The following HIP1 variants were observed in gnomAD, a reference collection of about 807,000 sequenced individuals.
HIP1 encodes the protein huntingtin interacting protein 1, also known as huntingtin-interacting protein 1.
HIP1 carries 65 observed loss-of-function variants against 147.6 expected under a neutral mutation model. The observed-to-expected ratio is 0.44, with a 90% CI of 0.36 to 0.54. The LOEUF (loss-of-function observed/expected upper bound fraction) is 0.54, where lower values mean the gene tolerates loss of function less well. Ranked by LOEUF, HIP1 falls within the 20% of genes least tolerant of loss-of-function variation. The pLI is 0.00. For synonymous variants in HIP1, 479 were observed against 504.0 expected, an observed-to-expected ratio of 0.95 and a Z score of 0.67; for missense variants, 1,061 against 1,299.6, an observed-to-expected ratio of 0.82 and a Z score of 2.82.
At chr7:75,694,412 T>G (rs1375836020) in intron 1 of HIP1, among the ~76,000 whole-genome samples, 1 of 152,108 alleles carries the variant, frequency 6.6e-6, no homozygotes, top group Non-Finnish European at 1.5e-5. Context: ...TCCTTACCTC[T>G]ATTGTCTGTT....
Position 75,545,087 on chromosome 7 carries a change from C to T in HIP1, c.2660+1G>A. 1.9e-6 allele frequency: 3 copies of T among 1,578,030 alleles called. No homozygotes were observed. Among genetic ancestry groups the T allele is most frequent in the Non-Finnish European group, 2.6e-6 (3 of 1,152,308 alleles). On this transcript the variant is annotated splice_donor_variant, in intron 26 of 30. Transcript: ENST00000336926. LOFTEE classifies it high-confidence loss of function. Reference sequence around the variant, plus strand: ...GACCCTTGGTACCAATAGATACTTACACCATGACAGTGGCTCCCCAGCCCA... The same window carrying T: ...GACCCTTGGTACCAATAGATACTTATACCATGACAGTGGCTCCCCAGCCCA...
intron 1 of HIP1, among the ~76,000 whole-genome samples, chr7:75,608,905 G>A (rs1554504325): frequency 1.3e-5 from 2 of 152,102 alleles, no homozygotes. Flanking sequence ...TGGGTACTGG[G>A]GATCCACAGA....
intron 18 of HIP1, 26 bp downstream of exon 18, chr7:75,556,000 C>T (rs376580867): frequency 6.2e-7 from 1 of 1,611,826 alleles, no homozygotes; most frequent in African/African-American, 1.3e-5. Flanking sequence ...CACAGGTGCT[C>T]GCTCGTGTCC....
At position 75,616,085 on chromosome 7, in the gene HIP1, C is replaced by CAAAAAAAAAAAAAAAAAA. The variant is rs71098042; in HGVS notation, c.121-16856_121-16839dup. ...TGGGCGACAGAGTAAGACTCTGTCT[C>CAAAAAAAAAAAAAAAAAA]AAAAAAAAAAAAAAAAAAAAAGAAA... On this transcript the variant is annotated intron_variant, in intron 1 of 30. Coordinates refer to ENST00000336926, the MANE Select transcript of HIP1 (RefSeq NM_005338.7). Among the ~76,000 whole-genome samples, 4 of 35,314 alleles carry CAAAAAAAAAAAAAAAAAA rather than the reference C, an allele frequency of 1.1e-4. 1 individual carries two copies. The highest frequency in any genetic ancestry group is 2.3e-4 in the African/African-American group (2 of 8,556). 23.2% of individuals were successfully genotyped at this position (35,314 alleles called of 152,430 possible).
intron 1 of HIP1, among the ~76,000 whole-genome samples, chr7:75,614,432 C>A (rs587703421): frequency 6.6e-6 from 1 of 152,190 alleles, no homozygotes; most frequent in South Asian, 2.1e-4. Context: ...AGATAAGCCT[C>A]CAAAACATGC....
chr7:75,635,663 A>C (rs1357758636), intron 1 of HIP1, among the ~76,000 whole-genome samples: 2 of 151,970 alleles, frequency 1.3e-5, no homozygotes, highest in Non-Finnish European at 2.9e-5. Flanking sequence ...ATTATTTCCA[A>C]CCTTCTCTAT....
intron 1 of HIP1, among the ~76,000 whole-genome samples, chr7:75,653,423 C>A (rs76058166): frequency 1.3e-5 from 2 of 151,612 alleles, no homozygotes; most frequent in South Asian, 4.2e-4. Context: ...GAGGCTGAGG[C>A]GGGAGGATTG....
chr7:75,582,019 T>A (rs1239037244), intron 6 of HIP1, 56 bp downstream of exon 6: 1 of 1,379,762 alleles, frequency 7.2e-7, no homozygotes, highest in Non-Finnish European at 1.0e-6. Context: ...TTATGAGAAG[T>A]GTCAGCATTC....
intron 1 of HIP1, among the ~76,000 whole-genome samples, chr7:75,663,941 TATATATACAC>T (rs1799399414): frequency 7.2e-6 from 1 of 138,608 alleles, no homozygotes; most frequent in East Asian, 2.3e-4. Context: ...TGTGTATATA[TATATATACAC>T]ATATATGTGT....
intron 1 of HIP1, among the ~76,000 whole-genome samples, chr7:75,603,257 T>C (rs1488699853): frequency 1.4e-5 from 2 of 147,670 alleles, no homozygotes; most frequent in Non-Finnish European, 3.0e-5. Context: ...TTGAGGCAGG[T>C]GGATTGCTTA....
Position 75,591,905 on chromosome 7 carries a change from G to A in HIP1, c.384+151C>T, listed in dbSNP as rs1292092981. 5 of 731,322 alleles carry A rather than the reference G, an allele frequency of 6.8e-6. No individual in the cohort carries two copies. The African/African-American group carries it at 6.9e-5, about 10-fold the overall frequency. The allele number at this position is 731,322 out of a possible 1,614,324, so 45.3% of individuals were successfully genotyped here. ...GACTATGGATATCATGGTACTCTTT[G>A]GGGGCATCCTTAGTCCGTCTCTGGC... On this transcript the variant is annotated intron_variant, in intron 4 of 30. Coordinates refer to ENST00000336926, the MANE Select transcript of HIP1 (RefSeq NM_005338.7).
At chr7:75,549,085 AAGGCAGG>A in intron 22 of HIP1, 84 bp from the exon 23 acceptor site, 1 of 1,013,996 alleles carries the variant, frequency 9.9e-7, no homozygotes, top group Non-Finnish European at 1.5e-6. Context: ...ACAAGATGGC[AAGGCAGG>A]AGGCCACCCA....
At chr7:75,701,291 G>A (rs564457424) in intron 1 of HIP1, among the ~76,000 whole-genome samples, 3 of 152,156 alleles carry the variant, frequency 2.0e-5, no homozygotes, top group Non-Finnish European at 2.9e-5. Context: ...CCACCTTAAC[G>A]GCTGAGGCAG....
At chr7:75,606,037 C>CG (rs1168492178) in intron 1 of HIP1, among the ~76,000 whole-genome samples, 2 of 151,938 alleles carry the variant, frequency 1.3e-5, no homozygotes, top group Admixed American at 6.6e-5. Context: ...TAAATAGAGA[C>CG]GGGGTCTCAT....
intron 1 of HIP1, among the ~76,000 whole-genome samples, chr7:75,691,737 G>A (rs1800460411): frequency 6.6e-6 from 1 of 151,578 alleles, no homozygotes; most frequent in South Asian, 2.1e-4. Flanking sequence ...GCAGTAAGCT[G>A]AGATCGTGCC....
rs141566418 is a variant in HIP1 at position 75,623,421 on chromosome 7, G to A, written c.121-24174C>T. Among the ~76,000 whole-genome samples, 501 of 152,144 alleles carry A rather than the reference G, an allele frequency of 3.3e-3. 3 individuals are homozygous for A. Among genetic ancestry groups the A allele is most frequent in the African/African-American group, 0.011 (449 of 41,532 alleles). Reference sequence around the variant, plus strand: ...TGCATTTGCATGCGCATGAGGAGAGGACGGGAGAGTGGCAGGGATGGGAAT... The same window carrying A: ...TGCATTTGCATGCGCATGAGGAGAGAACGGGAGAGTGGCAGGGATGGGAAT... On this transcript the variant is annotated intron_variant, in intron 1 of 30. Transcript: ENST00000336926.
At chr7:75,580,557 G>A (rs1554498401) in intron 7 of HIP1, among the ~76,000 whole-genome samples, 1 of 152,104 alleles carries the variant, frequency 6.6e-6, no homozygotes. Context: ...GGGCAACACA[G>A]TGAGACCCCT....
At chr7:75,619,325 C>A (rs1269107480) in intron 1 of HIP1, among the ~76,000 whole-genome samples, 1 of 152,002 alleles carries the variant, frequency 6.6e-6, no homozygotes, top group East Asian at 1.9e-4. Flanking sequence ...GAGTTTGAGA[C>A]CAGCCTGGCC....
intron 6 of HIP1, 73 bp downstream of exon 6, chr7:75,582,002 A>G (rs2116925553): frequency 8.6e-6 from 11 of 1,277,910 alleles, no homozygotes; most frequent in South Asian, 1.3e-5. Context: ...CAGGCCCTCC[A>G]TGACCCTTAT....
Sources: gnomAD v4.1 joint callset for allele counts (sites outside exome capture counted in the v4.1 genomes callset) on GRCh38, gnomAD v4.1.1 for gene constraint, MANE v1.5 for transcripts, NCBI Gene and HGNC (gene_info 2026-07-23, HGNC 2026-07-21) for gene names.